The following SLC14A2 variants were observed in gnomAD, a reference collection of about 807,000 sequenced individuals.
The protein encoded by SLC14A2 is urea transporter 2.
A neutral mutation model predicts 104.6 loss-of-function variants in SLC14A2; 91 were observed. The ratio of observed to expected loss-of-function variants is 0.87; its 90% CI spans 0.73 to 1.04. The LOEUF is 1.04. SLC14A2 is among the 50% of genes least tolerant of loss of function. The pLI is 0.00. For synonymous variants in SLC14A2, 476 were observed against 466.4 expected (o/e 1.02, Z -0.27); for missense variants, 1,189 against 1,156.0 (o/e 1.03, Z -0.41).
At chr18:45,371,946 T>A (rs528371472) in intron 1 of SLC14A2, among the ~76,000 whole-genome samples, 173 of 152,312 alleles carry the variant, frequency 1.1e-3, no homozygotes, top group Middle Eastern at 3.4e-3. Context: ...ATAATTGGGA[T>A]AGTATTACCT....
chr18:45,355,438 C>T (rs763261822), intron 1 of SLC14A2, among the ~76,000 whole-genome samples: 7 of 151,608 alleles, frequency 4.6e-5, no homozygotes, highest in Non-Finnish European at 7.4e-5. Flanking sequence ...ATTAGCCAGG[C>T]ATGGTGGTGT....
intron 1 of SLC14A2, among the ~76,000 whole-genome samples, chr18:45,441,246 A>G (rs1481484280): frequency 6.6e-6 from 1 of 152,216 alleles, no homozygotes; most frequent in Non-Finnish European, 1.5e-5. Context: ...AGCTTGGGAA[A>G]TGCTAAGAAA....
intron 1 of SLC14A2, among the ~76,000 whole-genome samples, chr18:45,401,968 A>G (rs9965374): frequency 0.013 from 1,949 of 152,326 alleles, 36 homozygotes; most frequent in African/African-American, 0.044. Context: ...ACATCCCCAG[A>G]TGGCCAAAGA....
intron 1 of SLC14A2, among the ~76,000 whole-genome samples, chr18:45,338,718 T>C (rs61639556): frequency 0.067 from 9,362 of 139,844 alleles, 681 homozygotes; most frequent in African/African-American, 0.17. Flanking sequence ...AAAAACTCTT[T>C]ATTTACAGAG....
chr18:45,397,879 T>C (rs1041622527), intron 1 of SLC14A2, among the ~76,000 whole-genome samples: 1 of 152,044 alleles, frequency 6.6e-6, no homozygotes, highest in South Asian at 2.1e-4. Context: ...GTAAAAAACT[T>C]AGTTCAGTGC....
At chr18:45,450,125 T>C (rs935717999) in intron 1 of SLC14A2, among the ~76,000 whole-genome samples, 2 of 152,250 alleles carry the variant, frequency 1.3e-5, no homozygotes, top group Non-Finnish European at 2.9e-5. Context: ...TTATTGGATG[T>C]GCTCTGCCTG....
chr18:45,391,002 A>G (rs1029582624), intron 1 of SLC14A2, among the ~76,000 whole-genome samples: 3 of 152,302 alleles, frequency 2.0e-5, no homozygotes, highest in South Asian at 4.1e-4. Flanking sequence ...AGATGTATAC[A>G]TGTGCCATGT....
chr18:45,632,796 G>A (rs1001043265), intron 5 of SLC14A2, among the ~76,000 whole-genome samples: 5 of 152,166 alleles, frequency 3.3e-5, no homozygotes, highest in Non-Finnish European at 7.3e-5. Flanking sequence ...TCCTGCCTCA[G>A]CCACACAAGT....
chr18:45,327,941 A>G (rs2085252269), intron 1 of SLC14A2, among the ~76,000 whole-genome samples: 1 of 152,220 alleles, frequency 6.6e-6, no homozygotes, highest in Admixed American at 6.5e-5. Flanking sequence ...CTCTGAACTA[A>G]AAATGAGAAG....
the SLC14A2 span, among the ~76,000 whole-genome samples, chr18:45,202,406 G>A: frequency 1.3e-5 from 2 of 152,154 alleles, no homozygotes; most frequent in South Asian, 2.1e-4. Context: ...GACCAATTAT[G>A]TGATGTTCAA....
At chr18:45,441,186 C>T (rs1324922359) in intron 1 of SLC14A2, among the ~76,000 whole-genome samples, 3 of 152,136 alleles carry the variant, frequency 2.0e-5, no homozygotes, top group South Asian at 2.1e-4. Context: ...CCTCACTGCT[C>T]AGAAAAATAA....
intron 1 of SLC14A2, among the ~76,000 whole-genome samples, chr18:45,407,711 C>T (rs970328089): frequency 1.3e-5 from 2 of 152,086 alleles, no homozygotes; most frequent in African/African-American, 4.8e-5. Flanking sequence ...CTTAATTGGC[C>T]TAATTTCAAT....
chr18:45,409,300 T>C lies in SLC14A2; in HGVS notation c.-124-73933T>C, dbSNP rs73953181. ...AAGAGAGTGTGATGTATGTGTGAGC[T>C]ACTATTCTTGTTTTTATTATTTTCA... On this transcript the variant is annotated intron_variant, in intron 1 of 20. Coordinates refer to the SLC14A2 transcript ENST00000586448. Among the ~76,000 whole-genome samples, 1,184 of 152,318 alleles carry C rather than the reference T, an allele frequency of 7.8e-3. 14 individuals carry two copies. The highest frequency in any genetic ancestry group is 0.027 in the African/African-American group (1,132 of 41,566).
intron 2 of SLC14A2, among the ~76,000 whole-genome samples, chr18:45,546,025 C>G (rs1057483327): frequency 2.0e-4 from 31 of 152,252 alleles, no homozygotes; most frequent in African/African-American, 6.7e-4. Context: ...ATTTTGGGAA[C>G]CTTTTGTATA....
At chr18:45,278,465 A>C (rs1451896644) in intron 1 of SLC14A2, among the ~76,000 whole-genome samples, 1 of 152,196 alleles carries the variant, frequency 6.6e-6, no homozygotes, top group Non-Finnish European at 1.5e-5. Context: ...AGAGCATCAG[A>C]TGCAGTAATT....
At chr18:45,275,317 T>G (rs2084691229) in intron 1 of SLC14A2, among the ~76,000 whole-genome samples, 1 of 152,246 alleles carries the variant, frequency 6.6e-6, no homozygotes, top group Non-Finnish European at 1.5e-5. Context: ...GTTCAATTCA[T>G]GTAAGACCAA....
chr18:45,377,796 T>TTC (rs2085791002), intron 1 of SLC14A2, among the ~76,000 whole-genome samples: 1 of 152,142 alleles, frequency 6.6e-6, no homozygotes, highest in South Asian at 2.1e-4. Context: ...CCTTCCATGA[T>TTC]TCTCTATTAC....
At chr18:45,558,799 T>TC (rs2044165153) in intron 2 of SLC14A2, among the ~76,000 whole-genome samples, 1 of 152,152 alleles carries the variant, frequency 6.6e-6, no homozygotes, top group South Asian at 2.1e-4. Flanking sequence ...CCTTTGAGTT[T>TC]CTTTTTTTTT....
At chr18:45,173,561 G>T in the SLC14A2 span, among the ~76,000 whole-genome samples, 1 of 152,034 alleles carries the variant, frequency 6.6e-6, no homozygotes, top group Non-Finnish European at 1.5e-5. Context: ...GAGAAGTCAG[G>T]TCTGCTGTGA....
Sources: gnomAD v4.1 joint callset for allele counts (sites outside exome capture counted in the v4.1 genomes callset) on GRCh38, gnomAD v4.1.1 for gene constraint, MANE v1.5 for transcripts, NCBI Gene and HGNC (gene_info 2026-07-23, HGNC 2026-07-21) for gene names.